The following FAM153A variants were observed in gnomAD, a reference collection of about 807,000 sequenced individuals.
FAM153A encodes the protein family with sequence similarity 153 member A, also known as protein FAM153A.
FAM153A carries 12 observed loss-of-function variants against 48.1 expected under a neutral mutation model. The observed-to-expected ratio is 0.25, with a 90% CI of 0.16 to 0.40. The LOEUF (loss-of-function observed/expected upper bound fraction) is 0.40. FAM153A is among the 10% of genes least tolerant of loss of function. The probability of loss-of-function intolerance (pLI) is 1.00; values close to 1 mark genes in which losing one functional copy is unlikely to be tolerated. For missense variants in FAM153A, 111 were observed against 345.8 expected (o/e 0.32, Z 5.38); for synonymous variants, 36 against 118.2 (o/e 0.30, Z 4.51).
At chr5:177,734,993 A>G (rs1764476020) in intron 12 of FAM153A, 60 bp from the exon 15 acceptor site, 2 of 1,257,752 alleles carry the variant, frequency 1.6e-6, no homozygotes, top group African/African-American at 3.4e-5. Flanking sequence ...ACAATTCAGT[A>G]ACACTGCTTG....
chr5:177,781,264 ATT>A (rs1303137176), upstream of FAM153A, among the ~76,000 whole-genome samples: 1,166 of 75,162 alleles, frequency 0.016, 7 homozygotes, highest in African/African-American at 0.058. Flanking sequence ...ACGCCCGGCT[ATT>A]TTTTTTTTTT....
At chr5:177,698,453 C>T in the FAM153A span, among the ~76,000 whole-genome samples, 571 of 151,956 alleles carry the variant, frequency 3.8e-3, 12 homozygotes, top group African/African-American at 0.013. Flanking sequence ...AACTTGGACA[C>T]GGTCACTTCT....
downstream of FAM153A, chr5:177,706,565 C>T: frequency 6.6e-6 from 1 of 151,928 alleles, no homozygotes; most frequent in Non-Finnish European, 1.5e-5. Flanking sequence ...TAGTTTTAGA[C>T]AAATCAAGAC....
chr5:177,694,304 T>C, the FAM153A span, among the ~76,000 whole-genome samples: 268 of 143,970 alleles, frequency 1.9e-3, 6 homozygotes, highest in African/African-American at 7.0e-3. Flanking sequence ...CCCACTGGAG[T>C]GTAGGTCTGG....
At chr5:177,737,222 A>G in intron 10 of FAM153A, 110 bp from the exon 13 acceptor site, 1 of 1,578,326 alleles carries the variant, frequency 6.3e-7, no homozygotes, top group South Asian at 1.2e-5. Context: ...TGTTCACAGC[A>G]CAGACTCAGC....
chr5:177,708,890 C>T (rs184022095), downstream of FAM153A, among the ~76,000 whole-genome samples: 72 of 151,386 alleles, frequency 4.8e-4, no homozygotes, highest in Non-Finnish European at 8.5e-4. Flanking sequence ...GTCAAGAGAT[C>T]GAGACCATTC....
At chr5:177,778,829 C>T (rs999397893) in intron 1 of FAM153A, among the ~76,000 whole-genome samples, 3 of 112,142 alleles carry the variant, frequency 2.7e-5, no homozygotes, top group African/African-American at 7.0e-5. Context: ...ATTGTGTATC[C>T]AGCTAGATGT....
At chr5:177,739,186 C>T in intron 9 of FAM153A, 49 bp from the exon 12 acceptor site, 1 of 1,602,092 alleles carries the variant, frequency 6.2e-7, no homozygotes, top group Non-Finnish European at 8.5e-7. Context: ...CATGCTGTCT[C>T]TGTGCACAGG....
At chr5:177,725,634 C>G (rs1299240997) in intron 18 of FAM153A, among the ~76,000 whole-genome samples, 1 of 151,394 alleles carries the variant, frequency 6.6e-6, no homozygotes, top group Non-Finnish European at 1.5e-5. Context: ...AGACCTGACA[C>G]AGAGAACAAT....
the FAM153A span, among the ~76,000 whole-genome samples, chr5:177,695,805 G>A: frequency 2.6e-5 from 4 of 151,672 alleles, no homozygotes; most frequent in Admixed American, 6.5e-5. Context: ...CAGATGGGGC[G>A]GCCGGGCAGA....
chr5:177,703,260 G>A (rs1490268768), downstream of FAM153A, among the ~76,000 whole-genome samples: 7 of 152,004 alleles, frequency 4.6e-5, no homozygotes, highest in Non-Finnish European at 1.0e-4. Flanking sequence ...GGAGTCAAAG[G>A]AGATTATTTT....
chr5:177,697,876 C>G, the FAM153A span, among the ~76,000 whole-genome samples: 1 of 151,136 alleles, frequency 6.6e-6, no homozygotes, highest in Non-Finnish European at 1.5e-5. Context: ...CAGCCAGTTC[C>G]CCCTGCCCCC....
chr5:177,714,432 T>G (rs1759188545), intron 25 of FAM153A, among the ~76,000 whole-genome samples: 1 of 150,984 alleles, frequency 6.6e-6, no homozygotes, highest in Non-Finnish European at 1.5e-5. Flanking sequence ...CTGACAATTT[T>G]ATAAAATAAA....
At chr5:177,721,767 C>T (rs186512690), downstream of FAM153A, 25 of 128,006 alleles carry the variant, frequency 2.0e-4, no homozygotes, top group South Asian at 1.5e-3. Context: ...ATCAAGCAAT[C>T]GTCCTGCTTT....
chr5:177,728,403 C>T lies in FAM153A; in HGVS notation c.964+620G>A, dbSNP rs559858388. Among the ~76,000 whole-genome samples the T allele has an allele frequency of 5.1e-4, 76 of 149,484 alleles. 1 individual carries two copies. The highest frequency in any genetic ancestry group is 1.8e-3 in the African/African-American group (73 of 39,518). On this transcript the variant is annotated intron_variant, in intron 18 of 20. Coordinates refer to ENST00000614127, the Ensembl canonical transcript of FAM153A. ...AGTATGTTTTCTGGGGAAATGCACA[C>T]ACACTCACAAAGACATCCACAATCA...
chr5:177,702,140 C>T, the FAM153A span, among the ~76,000 whole-genome samples: 1 of 151,822 alleles, frequency 6.6e-6, no homozygotes, highest in Non-Finnish European at 1.5e-5. Context: ...GATCTCCTGA[C>T]CTCGTGATCC....
Position 177,771,646 on chromosome 5 carries a change from G to T in FAM153A, c.-57+8803C>A, listed in dbSNP as rs1769115822. 2.1e-5 allele frequency among the ~76,000 whole-genome samples: 2 copies of T among 96,276 alleles called. 1 individual carries two copies. Among genetic ancestry groups the T allele is most frequent in the Non-Finnish European group, 4.3e-5 (2 of 46,622 alleles). 63.2% of individuals were successfully genotyped at this position (96,276 alleles called of 152,430 possible). A position where few individuals can be genotyped will look rare whatever the true frequency, so the allele number is the denominator to read the frequency against. ...TGTTTAGGAAATTGGAATTGGGAGGGTTCCCACCATGCCCTAAGACTGGTC... is the reference window on the plus strand; with the variant it reads ...TGTTTAGGAAATTGGAATTGGGAGGTTTCCCACCATGCCCTAAGACTGGTC... On this transcript the variant is annotated intron_variant, in intron 1 of 8. Coordinates refer to the FAM153A transcript ENST00000393518.
In FAM153A at chr5:177,771,736, G is replaced by A. The variant is rs375546491; in HGVS notation, c.-57+8713C>T. ...CTGAGCAGCTGCTTTCCTTCTGAAG[G>A]TCGGAATGTGGGTACATGTGAGGGA... On this transcript the variant is annotated intron_variant, in intron 1 of 8. Transcript: ENST00000393518. Among the ~76,000 whole-genome samples the A allele has an allele frequency of 9.3e-5, 9 of 96,662 alleles. 3 individuals carry two copies. In the East Asian group the frequency reaches 9.6e-4, roughly 10 times the overall value. The allele number at this position is 96,662 out of a possible 152,430, so 63.4% of individuals were successfully genotyped here.
intron 24 of FAM153A, among the ~76,000 whole-genome samples, chr5:177,716,963 T>TAG (rs1561866306): frequency 1.8e-5 from 1 of 56,354 alleles, no homozygotes; most frequent in Non-Finnish European, 3.6e-5. Context: ...CATTCCCGCT[T>TAG]AGTGTGTGTG....
Sources: gnomAD v4.1 joint callset for allele counts (sites outside exome capture counted in the v4.1 genomes callset) on GRCh38, gnomAD v4.1.1 for gene constraint, MANE v1.5 for transcripts, NCBI Gene and HGNC (gene_info 2026-07-23, HGNC 2026-07-21) for gene names.